Variants in MRAP2 observed in about 807,000 individuals in gnomAD.
MRAP2 encodes the protein melanocortin 2 receptor accessory protein 2.
A neutral mutation model predicts 17.4 loss-of-function variants in MRAP2; 20 were observed. The observed-to-expected ratio is 1.15, with a 90% CI of 0.81 to 1.67. The LOEUF (loss-of-function observed/expected upper bound fraction) is 1.67. MRAP2 is among the 40% of genes most tolerant of loss of function. The pLI is 0.00. For synonymous variants in MRAP2, 96 were observed against 88.4 expected, an observed-to-expected ratio of 1.09 and a Z score of -0.48; for missense variants, 238 against 240.0, an observed-to-expected ratio of 0.99 and a Z score of 0.05.
intron 1 of MRAP2, chr6:84,035,347 A>C: frequency 1.2e-6 from 1 of 816,244 alleles, no homozygotes. Context: ...ATTCTTTAAG[A>C]TAGCTCAAAA....
At chr6:84,070,331 A>G (rs191633758) in intron 3 of MRAP2, among the ~76,000 whole-genome samples, 79 of 152,240 alleles carry the variant, frequency 5.2e-4, no homozygotes, top group African/African-American at 1.8e-3. Context: ...TTAAATTTCT[A>G]TGTTGATTTC....
At chr6:84,117,113 C>T in the MRAP2 span, among the ~76,000 whole-genome samples, 1 of 151,964 alleles carries the variant, frequency 6.6e-6, no homozygotes. Flanking sequence ...ACCTCTGATA[C>T]CGAGGTTCAA....
intron 1 of MRAP2, among the ~76,000 whole-genome samples, chr6:84,041,477 C>A (rs985874516): frequency 6.6e-6 from 1 of 152,220 alleles, no homozygotes; most frequent in Non-Finnish European, 1.5e-5. Context: ...AATGGTGGAT[C>A]CACTGATAGC....
At chr6:84,081,904 CT>C (rs1185436103) in intron 3 of MRAP2, among the ~76,000 whole-genome samples, 2 of 152,248 alleles carry the variant, frequency 1.3e-5, no homozygotes, top group Non-Finnish European at 2.9e-5. Flanking sequence ...ATGTGCCTTG[CT>C]TTCCCTCTGC....
At chr6:84,133,219 G>A in the MRAP2 span, among the ~76,000 whole-genome samples, 1 of 152,270 alleles carries the variant, frequency 6.6e-6, no homozygotes, top group African/African-American at 2.4e-5. Context: ...CCTTCCTCTG[G>A]GAGCTTTGTC....
intron 3 of MRAP2, among the ~76,000 whole-genome samples, chr6:84,074,075 G>T (rs1402663555): frequency 6.6e-6 from 1 of 152,144 alleles, no homozygotes; most frequent in Non-Finnish European, 1.5e-5. Flanking sequence ...CCTCAGTAAA[G>T]ATGAGTCACT....
chr6:84,069,488 A>G (rs575670911), intron 3 of MRAP2, among the ~76,000 whole-genome samples: 132 of 151,528 alleles, frequency 8.7e-4, no homozygotes, highest in African/African-American at 2.8e-3. Context: ...TGTTGGACTC[A>G]GTTAGCTAGT....
At chr6:84,073,434 G>A (rs1303873234) in intron 3 of MRAP2, among the ~76,000 whole-genome samples, 2 of 152,214 alleles carry the variant, frequency 1.3e-5, no homozygotes, top group African/African-American at 4.8e-5. Flanking sequence ...AGTATTTGGG[G>A]TATCTCCTGG....
At position 84,073,891 on chromosome 6, in the gene MRAP2, T is replaced by G. The variant is rs570263235; in HGVS notation, c.227+10899T>G. ...ATATTTGTGTGTGTGTGTGTGTGTTTTTTTTTTTTTTTCTCATCAGCTATC... is the reference window on the plus strand; with the variant it reads ...ATATTTGTGTGTGTGTGTGTGTGTTGTTTTTTTTTTTTCTCATCAGCTATC... On this transcript the variant is annotated intron_variant, in intron 3 of 3. Coordinates refer to ENST00000257776, the MANE Select transcript of MRAP2 (RefSeq NM_138409.4). Among the ~76,000 whole-genome samples, 964 of 151,210 alleles carry G rather than the reference T, an allele frequency of 6.4e-3. 4 individuals are homozygous for G. Among genetic ancestry groups the G allele is most frequent in the African/African-American group, 0.022 (925 of 41,124 alleles).
At chr6:84,072,428 G>A (rs550094019) in intron 3 of MRAP2, among the ~76,000 whole-genome samples, 10 of 152,314 alleles carry the variant, frequency 6.6e-5, no homozygotes, top group African/African-American at 1.7e-4. Context: ...GACGAGAATC[G>A]TTTATGGGTC....
At chr6:84,096,482 T>C in the MRAP2 span, among the ~76,000 whole-genome samples, 1 of 152,292 alleles carries the variant, frequency 6.6e-6, no homozygotes, top group South Asian at 2.1e-4. Context: ...GACCTACCAG[T>C]GTGAGTTTGA....
intron 1 of MRAP2, chr6:84,052,706 G>C: frequency 2.0e-6 from 1 of 497,082 alleles, no homozygotes; most frequent in Non-Finnish European, 2.6e-6. Context: ...TTGTTTGAAG[G>C]CTACCCAGGC....
chr6:84,126,817 A>G, the MRAP2 span, among the ~76,000 whole-genome samples: 4 of 152,044 alleles, frequency 2.6e-5, no homozygotes, highest in South Asian at 8.3e-4. Context: ...TTTCACTACA[A>G]GGTATTGTTA....
intron 3 of MRAP2, among the ~76,000 whole-genome samples, chr6:84,078,545 T>C (rs914473729): frequency 1.3e-5 from 2 of 152,168 alleles, no homozygotes; most frequent in Non-Finnish European, 2.9e-5. Flanking sequence ...AAAGCTCATG[T>C]TGAAATTTGA....
At chr6:84,136,243 T>C in the MRAP2 span, among the ~76,000 whole-genome samples, 3,989 of 151,020 alleles carry the variant, frequency 0.026, 163 homozygotes, top group African/African-American at 0.095. Context: ...TGGGCACATG[T>C]CTTAGTCTGT....
the MRAP2 span, among the ~76,000 whole-genome samples, chr6:84,145,470 C>T: frequency 6.6e-6 from 1 of 152,050 alleles, no homozygotes; most frequent in African/African-American, 2.4e-5. Flanking sequence ...TTGTGATTAT[C>T]TCTGATAGAA....
chr6:84,113,292 ATT>A, the MRAP2 span, among the ~76,000 whole-genome samples: 1 of 152,164 alleles, frequency 6.6e-6, no homozygotes, highest in African/African-American at 2.4e-5. Flanking sequence ...GTGCATATAT[ATT>A]TAGGATAGTT....
chr6:84,099,377 A>C, the MRAP2 span, among the ~76,000 whole-genome samples: 1 of 151,848 alleles, frequency 6.6e-6, no homozygotes, highest in African/African-American at 2.4e-5. Flanking sequence ...CACTCATTCC[A>C]CACTTCTTGT....
the MRAP2 span, among the ~76,000 whole-genome samples, chr6:84,135,106 T>C: frequency 4.6e-3 from 697 of 152,232 alleles, 8 homozygotes; most frequent in African/African-American, 0.016. Context: ...TGGAAGGATA[T>C]AGAGCAAAAT....
Sources: gnomAD v4.1 joint callset for allele counts (sites outside exome capture counted in the v4.1 genomes callset) on GRCh38, gnomAD v4.1.1 for gene constraint, MANE v1.5 for transcripts, NCBI Gene and HGNC (gene_info 2026-07-23, HGNC 2026-07-21) for gene names.